Variants in PPARG observed in about 807,000 individuals in gnomAD.
The protein encoded by PPARG is peroxisome proliferator activated receptor gamma.
Under a neutral mutation model 39.2 loss-of-function variants are expected in PPARG, and 17 were observed. The observed-to-expected ratio is 0.43, with a 90% CI of 0.30 to 0.65. The LOEUF is 0.65. Ranked by LOEUF, PPARG falls within the 30% of genes least tolerant of loss-of-function variation. The probability of loss-of-function intolerance (pLI) is 0.13; values close to 1 mark genes in which losing one functional copy is unlikely to be tolerated. For synonymous variants in PPARG, 223 were observed against 215.7 expected, an observed-to-expected ratio of 1.03 and a Z score of -0.30; for missense variants, 406 against 585.9, an observed-to-expected ratio of 0.69 and a Z score of 3.17.
At chr3:12,371,949 G>T in intron 2 of PPARG, 2 of 714,612 alleles carry the variant, frequency 2.8e-6, no homozygotes, top group Non-Finnish European at 5.2e-6. Context: ...ATCTTGATCT[G>T]CATGAATCAG....
chr3:12,380,295 T>A (rs1304393987), intron 3 of PPARG, among the ~76,000 whole-genome samples: 1 of 152,244 alleles, frequency 6.6e-6, no homozygotes, highest in East Asian at 1.9e-4. Context: ...AAGTAACAAT[T>A]CCAAGTCACT....
intron 2 of PPARG, among the ~76,000 whole-genome samples, chr3:12,327,422 C>T (rs1469585936): frequency 6.6e-6 from 1 of 152,152 alleles, no homozygotes; most frequent in Non-Finnish European, 1.5e-5. Flanking sequence ...AAAGAGAAGC[C>T]TAAAGAACAG....
At chr3:12,342,668 G>A (rs1195622620) in intron 2 of PPARG, among the ~76,000 whole-genome samples, 2 of 152,166 alleles carry the variant, frequency 1.3e-5, no homozygotes, top group East Asian at 3.8e-4. Flanking sequence ...AGACCCAGAT[G>A]CATAAACTTT....
At chr3:12,326,229 T>G (rs965642444) in intron 2 of PPARG, among the ~76,000 whole-genome samples, 1 of 152,164 alleles carries the variant, frequency 6.6e-6, no homozygotes, top group Non-Finnish European at 1.5e-5. Flanking sequence ...CCCTGAAGTA[T>G]GACAATATAG....
chr3:12,367,427 A>C (rs191954403), intron 2 of PPARG, among the ~76,000 whole-genome samples: 1 of 152,294 alleles, frequency 6.6e-6, no homozygotes, highest in East Asian at 1.9e-4. Flanking sequence ...TTGCTGAGGA[A>C]GCAGAAGAAA....
intron 1 of PPARG, among the ~76,000 whole-genome samples, chr3:12,292,416 A>T (rs557221238): frequency 3.9e-5 from 6 of 152,282 alleles, no homozygotes; most frequent in Admixed American, 3.3e-4. Flanking sequence ...GAGGCCTAGG[A>T]TCCATCAGAT....
At chr3:12,290,646 G>A (rs779891300) in intron 1 of PPARG, among the ~76,000 whole-genome samples, 5 of 152,048 alleles carry the variant, frequency 3.3e-5, no homozygotes, top group African/African-American at 4.8e-5. Flanking sequence ...ACTAATGGTC[G>A]TAGTGAATTG....
chr3:12,419,625 C>T (rs4135353), intron 7 of PPARG, among the ~76,000 whole-genome samples: 2,948 of 151,952 alleles, frequency 0.019, 109 homozygotes, highest in African/African-American at 0.065. Context: ...TGTACCACTA[C>T]ACCCAGCTAA....
intron 2 of PPARG, among the ~76,000 whole-genome samples, chr3:12,357,909 A>G (rs780854782): frequency 6.6e-6 from 1 of 152,232 alleles, no homozygotes; most frequent in Non-Finnish European, 1.5e-5. Flanking sequence ...TGCCAAACAC[A>G]TAATAAGTAT....
At chr3:12,345,456 C>T (rs893570209) in intron 2 of PPARG, among the ~76,000 whole-genome samples, 17 of 152,140 alleles carry the variant, frequency 1.1e-4, no homozygotes, top group African/African-American at 3.1e-4. Flanking sequence ...TGACTGTTGG[C>T]ATTAAGGATC....
At chr3:12,347,441 C>T (rs182831764) in intron 2 of PPARG, among the ~76,000 whole-genome samples, 1 of 152,210 alleles carries the variant, frequency 6.6e-6, no homozygotes, top group African/African-American at 2.4e-5. Flanking sequence ...AATTTACATC[C>T]AGGATACAGG....
At chr3:12,336,966 C>T (rs2048029624) in intron 2 of PPARG, among the ~76,000 whole-genome samples, 1 of 152,166 alleles carries the variant, frequency 6.6e-6, no homozygotes, top group South Asian at 2.1e-4. Context: ...ATCAATCAAT[C>T]AAGTCTTGAA....
intron 5 of PPARG, among the ~76,000 whole-genome samples, chr3:12,393,031 GATC>G (rs921972963): frequency 1.5e-4 from 23 of 152,072 alleles, no homozygotes; most frequent in Non-Finnish European, 5.9e-5. Flanking sequence ...CAAATATAAT[GATC>G]ATCATGATTA....
chr3:12,309,081 A>T (rs2047155579), intron 1 of PPARG, among the ~76,000 whole-genome samples: 1 of 152,250 alleles, frequency 6.6e-6, no homozygotes, highest in Non-Finnish European at 1.5e-5. Flanking sequence ...TGAAGACCAT[A>T]TGCAAATTTA....
intron 1 of PPARG, among the ~76,000 whole-genome samples, chr3:12,297,093 G>A (rs191948476): frequency 1.3e-5 from 2 of 152,224 alleles, no homozygotes; most frequent in Admixed American, 1.3e-4. Context: ...CCGTATACAC[G>A]AAGAGTTTCA....
At chr3:12,302,767 C>T (rs984546639) in intron 1 of PPARG, among the ~76,000 whole-genome samples, 1 of 151,842 alleles carries the variant, frequency 6.6e-6, no homozygotes, top group South Asian at 2.1e-4. Context: ...ATCTCAGGAG[C>T]GGGGAGATTC....
intron 1 of PPARG, among the ~76,000 whole-genome samples, chr3:12,305,593 C>G (rs1358397893): frequency 6.6e-6 from 1 of 152,198 alleles, no homozygotes; most frequent in East Asian, 1.9e-4. Flanking sequence ...TGCAGTCATA[C>G]AAGAGCTGGA....
intron 2 of PPARG, among the ~76,000 whole-genome samples, chr3:12,361,869 G>A (rs1009541905): frequency 3.3e-5 from 5 of 152,152 alleles, no homozygotes; most frequent in Admixed American, 6.5e-5. Context: ...CAAAAGTGCC[G>A]AGATTTTGAT....
intron 5 of PPARG, among the ~76,000 whole-genome samples, chr3:12,400,044 G>A (rs549362516): frequency 1.3e-5 from 2 of 151,894 alleles, no homozygotes; most frequent in African/African-American, 4.8e-5. Flanking sequence ...AATAGCACAT[G>A]TTCTTGTTTG....
Sources: gnomAD v4.1 joint callset for allele counts (sites outside exome capture counted in the v4.1 genomes callset) on GRCh38, gnomAD v4.1.1 for gene constraint, MANE v1.5 for transcripts, NCBI Gene and HGNC (gene_info 2026-07-23, HGNC 2026-07-21) for gene names.